The following GARIN1A variants were observed in gnomAD, a reference collection of about 807,000 sequenced individuals.
The protein encoded by GARIN1A is golgi associated RAB2 interactor 1A, also known as Golgi-associated RAB2 interactor protein 1A.
At chr7:128,701,048 C>T in the GARIN1A span, among the ~76,000 whole-genome samples, 12 of 152,080 alleles carry the variant, frequency 7.9e-5, no homozygotes, top group South Asian at 2.1e-4. Flanking sequence ...TCCATCTAGA[C>T]GGGCTTCACA....
chr7:128,680,210 C>T, the GARIN1A span: 15 of 895,824 alleles, frequency 1.7e-5, no homozygotes, highest in Non-Finnish European at 1.2e-5. Context: ...ATGGGGTCAA[C>T]GAACCTATCT....
the GARIN1A span, among the ~76,000 whole-genome samples, chr7:128,682,318 C>T: frequency 7.3e-4 from 111 of 152,260 alleles, 1 homozygote; most frequent in Non-Finnish European, 1.4e-3. Flanking sequence ...TTTTAGTCCC[C>T]GGGATTTTGT....
chr7:128,689,045 C>T, the GARIN1A span, among the ~76,000 whole-genome samples: 1 of 151,420 alleles, frequency 6.6e-6, no homozygotes, highest in Non-Finnish European at 1.5e-5. Flanking sequence ...TCGAGTGATC[C>T]GCCAGCCTCA....
At chr7:128,707,972 T>TTC in the GARIN1A span, among the ~76,000 whole-genome samples, 1 of 150,738 alleles carries the variant, frequency 6.6e-6, no homozygotes, top group Non-Finnish European at 1.5e-5. Flanking sequence ...CCTCCTTTAT[T>TTC]TCTCTCTCTC....
the GARIN1A span, among the ~76,000 whole-genome samples, chr7:128,694,959 T>G: frequency 1.1e-4 from 17 of 152,246 alleles, no homozygotes; most frequent in Non-Finnish European, 1.3e-4. Context: ...TCCGTTGGTC[T>G]TTGTGTACTG....
chr7:128,671,858 C>A, the GARIN1A span, among the ~76,000 whole-genome samples: 1 of 151,168 alleles, frequency 6.6e-6, no homozygotes, highest in Non-Finnish European at 1.5e-5. Context: ...AAAAAAAAAT[C>A]TCCTTTTCTC....
chr7:128,688,479 G>T, the GARIN1A span, among the ~76,000 whole-genome samples: 1 of 152,112 alleles, frequency 6.6e-6, no homozygotes, highest in African/African-American at 2.4e-5. Context: ...TCTGCTTCTT[G>T]GTTACAAGTC....
chr7:128,691,549 G>T, the GARIN1A span: 1 of 152,192 alleles, frequency 6.6e-6, no homozygotes, highest in African/African-American at 2.4e-5. Flanking sequence ...GATGAGATAA[G>T]AGGTTGGCAC....
chr7:128,696,527 G>C, the GARIN1A span, among the ~76,000 whole-genome samples: 1 of 151,946 alleles, frequency 6.6e-6, no homozygotes, highest in Non-Finnish European at 1.5e-5. Context: ...ACTTTTTTCA[G>C]GTCTAACATT....
the GARIN1A span, among the ~76,000 whole-genome samples, chr7:128,689,792 G>A: frequency 2.2e-4 from 24 of 110,274 alleles, 2 homozygotes; most frequent in Non-Finnish European, 3.8e-4. Context: ...GAGGTGGGGG[G>A]TCAGCCCCCG....
At chr7:128,691,464 G>C in the GARIN1A span, 2 of 152,200 alleles carry the variant, frequency 1.3e-5, no homozygotes, top group Non-Finnish European at 2.9e-5. Flanking sequence ...ACTCCATCTT[G>C]AATGGGGGCT....
chr7:128,682,494 G>T, the GARIN1A span, among the ~76,000 whole-genome samples: 1 of 152,154 alleles, frequency 6.6e-6, no homozygotes, highest in African/African-American at 2.4e-5. Context: ...TGTGCATATT[G>T]TCACTGCCCC....
the GARIN1A span, among the ~76,000 whole-genome samples, chr7:128,689,289 G>A: frequency 6.6e-6 from 1 of 151,758 alleles, no homozygotes; most frequent in Admixed American, 6.5e-5. Context: ...GAGCCCCTCT[G>A]CCCGGCTGCC....
At chr7:128,677,655 C>G in the GARIN1A span, 1 of 1,613,894 alleles carries the variant, frequency 6.2e-7, no homozygotes. Context: ...GATCTACTAT[C>G]TGAAGCTCCA....
chr7:128,678,991 T>A, the GARIN1A span, among the ~76,000 whole-genome samples: 6 of 113,446 alleles, frequency 5.3e-5, no homozygotes, highest in African/African-American at 2.3e-4. Context: ...TAACGATTGT[T>A]ACATACATAT....
At chr7:128,694,918 C>T in the GARIN1A span, among the ~76,000 whole-genome samples, 1 of 152,194 alleles carries the variant, frequency 6.6e-6, no homozygotes, top group Non-Finnish European at 1.5e-5. Context: ...TTGCTTTGCT[C>T]AGCTCTTTTC....
chr7:128,679,007 T>A, the GARIN1A span, among the ~76,000 whole-genome samples: 1 of 140,896 alleles, frequency 7.1e-6, no homozygotes, highest in Non-Finnish European at 1.6e-5. Context: ...CATATATACT[T>A]ATGTAACGAT....
the GARIN1A span, chr7:128,686,106 G>C: frequency 6.6e-6 from 1 of 152,178 alleles, no homozygotes; most frequent in African/African-American, 2.4e-5. Context: ...CCAGCTACTC[G>C]GGAGGCTGAG....
At chr7:128,680,297 C>G in the GARIN1A span, 7 of 471,466 alleles carry the variant, frequency 1.5e-5, no homozygotes, top group South Asian at 9.0e-5. Flanking sequence ...TGTAAGCCTG[C>G]CTTTGAAAAC....
Sources: gnomAD v4.1 joint callset for allele counts (sites outside exome capture counted in the v4.1 genomes callset) on GRCh38, gnomAD v4.1.1 for gene constraint, MANE v1.5 for transcripts, NCBI Gene and HGNC (gene_info 2026-07-23, HGNC 2026-07-21) for gene names.